RGS7: variants seen among roughly 807,000 people sequenced by gnomAD.
RGS7 encodes the protein regulator of G-protein signaling 7.
In RGS7, 27 loss-of-function variants were observed where a neutral mutation model predicts 81.1. That is an observed-to-expected ratio of 0.33 (90% confidence interval 0.25 to 0.46). The LOEUF (loss-of-function observed/expected upper bound fraction) is 0.46. RGS7 is among the 20% of genes least tolerant of loss of function. The probability of loss-of-function intolerance (pLI) is 1.00; values close to 1 mark genes in which losing one functional copy is unlikely to be tolerated. For missense variants in RGS7, 396 were observed against 607.4 expected (o/e 0.65, Z 3.66); for synonymous variants, 208 against 207.7 (o/e 1.00, Z -0.01).
chr1:240,799,326 C>T (rs1254866547), intron 18 of RGS7, among the ~76,000 whole-genome samples: 1 of 140,280 alleles, frequency 7.1e-6, no homozygotes, highest in Non-Finnish European at 1.5e-5. Context: ...TGGTATTCAA[C>T]TTCTTTTCCT....
intron 3 of RGS7, among the ~76,000 whole-genome samples, chr1:240,995,139 A>G (rs527483239): frequency 6.6e-6 from 1 of 152,294 alleles, no homozygotes; most frequent in South Asian, 2.1e-4. Context: ...AATTTGCTGG[A>G]TTACAGGGTT....
rs1558321572 is a variant in RGS7, at chr1:241,327,127, AAAG to A, written c.78+28569_78+28571del. Among the ~76,000 whole-genome samples the A allele has an allele frequency of 4.5e-3, 501 of 111,184 alleles. 22 individuals carry two copies. The highest frequency in any genetic ancestry group is 6.7e-3 in the Non-Finnish European group (342 of 50,832). 72.9% of individuals were successfully genotyped at this position (111,184 alleles called of 152,430 possible). On this transcript the variant is annotated intron_variant, in intron 2 of 18. Transcript: ENST00000440928. Reference sequence around the variant, plus strand: ...GAAAGAAAGAAAGAAAGAAAGAAAGAAAGAAAGAAAGAAAGAAAGGAAAGAAAG... The same window carrying A: ...GAAAGAAAGAAAGAAAGAAAGAAAGAAAAGAAAGAAAGAAAGGAAAGAAAG...
chr1:241,034,976 G>C (rs1378707116), intron 3 of RGS7, among the ~76,000 whole-genome samples: 2 of 152,118 alleles, frequency 1.3e-5, no homozygotes, highest in Non-Finnish European at 2.9e-5. Context: ...TCGTATTTAA[G>C]ATTAATAGAT....
chr1:241,235,529 T>C (rs939826000), intron 2 of RGS7, among the ~76,000 whole-genome samples: 1 of 152,194 alleles, frequency 6.6e-6, no homozygotes, highest in Admixed American at 6.5e-5. Context: ...ACAACGGTTA[T>C]TGTTCTGTTT....
chr1:241,177,062 G>A (rs936124088), intron 2 of RGS7, among the ~76,000 whole-genome samples: 4 of 152,320 alleles, frequency 2.6e-5, no homozygotes, highest in African/African-American at 9.6e-5. Flanking sequence ...ACTTGGATGA[G>A]AACCATGAAC....
At chr1:241,324,428 T>C (rs2081382370) in intron 2 of RGS7, among the ~76,000 whole-genome samples, 1 of 152,180 alleles carries the variant, frequency 6.6e-6, no homozygotes, top group African/African-American at 2.4e-5. Context: ...TCATGTATAA[T>C]CCATTTTCTC....
At chr1:241,263,078 G>A (rs1338682236) in intron 2 of RGS7, among the ~76,000 whole-genome samples, 3 of 151,820 alleles carry the variant, frequency 2.0e-5, no homozygotes, top group East Asian at 1.9e-4. Flanking sequence ...CAGCCTGGGC[G>A]AAAGAGCAAA....
intron 2 of RGS7, among the ~76,000 whole-genome samples, chr1:241,261,805 G>A (rs2077351496): frequency 6.6e-6 from 1 of 152,036 alleles, no homozygotes; most frequent in Non-Finnish European, 1.5e-5. Context: ...TGATACTAGA[G>A]CTGAAGAAAA....
intron 2 of RGS7, among the ~76,000 whole-genome samples, chr1:241,122,834 C>T (rs1190909506): frequency 1.3e-5 from 2 of 152,108 alleles, no homozygotes; most frequent in Non-Finnish European, 2.9e-5. Context: ...TTGTTGACTC[C>T]TATGCTGAAA....
chr1:240,867,061 C>T (rs1663446699), intron 9 of RGS7, among the ~76,000 whole-genome samples: 1 of 152,198 alleles, frequency 6.6e-6, no homozygotes, highest in South Asian at 2.1e-4. Flanking sequence ...AATAGCTATG[C>T]ACCTGACCTC....
At chr1:241,209,991 T>G (rs1431131736) in intron 2 of RGS7, among the ~76,000 whole-genome samples, 1 of 152,124 alleles carries the variant, frequency 6.6e-6, no homozygotes, top group Non-Finnish European at 1.5e-5. Flanking sequence ...TAATGTAATG[T>G]CATTGTCAAA....
intron 2 of RGS7, among the ~76,000 whole-genome samples, chr1:241,313,489 A>G (rs1229653934): frequency 2.6e-5 from 4 of 152,196 alleles, no homozygotes; most frequent in Non-Finnish European, 4.4e-5. Flanking sequence ...TGCTCTATCA[A>G]TGGAGCAACA....
chr1:240,779,916 A>T (rs1178559976), intron 18 of RGS7, among the ~76,000 whole-genome samples: 1 of 152,194 alleles, frequency 6.6e-6, no homozygotes, highest in Non-Finnish European at 1.5e-5. Context: ...CCAAACCCAG[A>T]GTCACTATTC....
intron 2 of RGS7, among the ~76,000 whole-genome samples, chr1:241,124,932 C>G (rs1025809200): frequency 6.6e-6 from 1 of 152,256 alleles, no homozygotes. Context: ...TGGTTATATA[C>G]AGAAGTGTGA....
intron 6 of RGS7, among the ~76,000 whole-genome samples, chr1:240,889,488 G>A (rs72756819): frequency 6.6e-6 from 1 of 152,074 alleles, no homozygotes; most frequent in Non-Finnish European, 1.5e-5. Context: ...GCCCTGGCTA[G>A]GGGCTCAGGT....
At chr1:241,319,632 C>T (rs751281141) in intron 2 of RGS7, among the ~76,000 whole-genome samples, 14 of 152,084 alleles carry the variant, frequency 9.2e-5, no homozygotes, top group Non-Finnish European at 1.5e-4. Flanking sequence ...TTAAGTGATC[C>T]TCCTGCCTCA....
chr1:240,776,197 G>T lies in RGS7; in HGVS notation c.*23C>A, dbSNP rs1380742627. On this transcript the variant is annotated 3_prime_UTR_variant, in exon 19 of 19. Transcript: ENST00000440928. ...CTGAGCAAGGCTTGTTAACCTCTTGGACGTGAGAGATTTCCCCTGAGAAAA... is the reference window on the plus strand; with the variant it reads ...CTGAGCAAGGCTTGTTAACCTCTTGTACGTGAGAGATTTCCCCTGAGAAAA... 1.2e-6 allele frequency: 2 copies of T among 1,611,058 alleles called. No homozygotes were observed. Among genetic ancestry groups the T allele is most frequent in the African/African-American group, 1.3e-5 (1 of 74,848 alleles).
At chr1:241,224,771 T>C (rs1322300667) in intron 2 of RGS7, among the ~76,000 whole-genome samples, 1 of 152,166 alleles carries the variant, frequency 6.6e-6, no homozygotes, top group Non-Finnish European at 1.5e-5. Flanking sequence ...TGTGTTGAGT[T>C]GTTCAGTCTG....
intron 2 of RGS7, among the ~76,000 whole-genome samples, chr1:241,129,058 T>A (rs543471642): frequency 2.4e-4 from 37 of 152,202 alleles, no homozygotes; most frequent in South Asian, 8.3e-4. Flanking sequence ...TAACTTTAGA[T>A]AATTTCTCCA....
Sources: allele counts gnomAD v4.1 joint callset (sites outside exome capture counted in the v4.1 genomes callset), GRCh38; gene constraint gnomAD v4.1.1; transcripts MANE v1.5; gene names NCBI Gene and HGNC (gene_info 2026-07-23, HGNC 2026-07-21).